Variants in MYO5B observed in about 807,000 individuals in gnomAD.
The protein encoded by MYO5B is myosin VB, also known as unconventional myosin-Vb.
A neutral mutation model predicts 229.3 loss-of-function variants in MYO5B; 143 were observed. The ratio of observed to expected loss-of-function variants is 0.62; its 90% CI spans 0.54 to 0.72. MYO5B has a LOEUF of 0.72. MYO5B is among the 30% of genes least tolerant of loss of function. MYO5B has a pLI of 0.00. For synonymous variants in MYO5B, 918 were observed against 885.2 expected (o/e 1.04, Z -0.66); for missense variants, 2,321 against 2,331.0 (o/e 1.00, Z 0.09).
At chr18:49,865,733 TG>T (rs2024388246) in intron 27 of MYO5B, among the ~76,000 whole-genome samples, 2 of 152,216 alleles carry the variant, frequency 1.3e-5, no homozygotes, top group Admixed American at 1.3e-4. Context: ...CTGTTGGCTG[TG>T]TGCCTGTGCT....
In MYO5B at chr18:49,895,120, T is replaced by C. The variant is rs9948144; in HGVS notation, c.2866A>G (p.Thr956Ala). Residue 956 changes from threonine (T) to alanine (A), a missense_variant, in exon 22 of 40, where the codon ACC becomes GCC. Coordinates refer to ENST00000285039, the MANE Select transcript of MYO5B (RefSeq NM_001080467.3). ...EQLSVTTSTY[T>A]MEVERLKKEL... ...TTCTTCAGCCGCTCTACCTCCATGG[T>C]GTATGTTGAGGTGGTCACGGACAAC... 1.9e-6 allele frequency: 3 copies of C among 1,614,164 alleles called. No individual in the cohort carries two copies. The highest frequency in any genetic ancestry group is 3.3e-5 in the Admixed American group (2 of 60,016).
chr18:50,117,212 T>TA (rs1218454408), intron 1 of MYO5B, among the ~76,000 whole-genome samples: 1 of 151,776 alleles, frequency 6.6e-6, no homozygotes, highest in Non-Finnish European at 1.5e-5. Context: ...CAAGCCCCTA[T>TA]AAAAAAGGGC....
At chr18:49,936,463 G>C (rs1958143948) in intron 15 of MYO5B, 114 bp from the exon 16 acceptor site, 1 of 818,910 alleles carries the variant, frequency 1.2e-6, no homozygotes, top group Admixed American at 2.0e-5. Flanking sequence ...TATTAATCCA[G>C]AAGGATGGAA....
chr18:50,145,926 G>A (rs2032494887), intron 1 of MYO5B, among the ~76,000 whole-genome samples: 1 of 152,142 alleles, frequency 6.6e-6, no homozygotes, highest in African/African-American at 2.4e-5. Flanking sequence ...TGACACTGAT[G>A]GAAGAAACCA....
chr18:50,111,866 C>A (rs577640065), intron 1 of MYO5B, among the ~76,000 whole-genome samples: 1 of 152,286 alleles, frequency 6.6e-6, no homozygotes, highest in South Asian at 2.1e-4. Flanking sequence ...TATAAGGCAC[C>A]TTGAGCACAT....
At chr18:49,906,239 G>A (rs1452865343) in intron 19 of MYO5B, among the ~76,000 whole-genome samples, 180 bp downstream of exon 19, 1 of 152,146 alleles carries the variant, frequency 6.6e-6, no homozygotes. Context: ...ACCCCCTGAG[G>A]TGAGAAGGCA....
intron 1 of MYO5B, among the ~76,000 whole-genome samples, chr18:50,078,332 A>T (rs1227948414): frequency 6.6e-6 from 1 of 152,210 alleles, no homozygotes; most frequent in East Asian, 1.9e-4. Context: ...TAGTATTATG[A>T]CACAGCACAG....
At chr18:49,974,781 A>T (rs900828499) in intron 9 of MYO5B, among the ~76,000 whole-genome samples, 166 bp from the exon 10 acceptor site, 17 of 125,394 alleles carry the variant, frequency 1.4e-4, no homozygotes, top group African/African-American at 4.3e-4. Flanking sequence ...AGTCTCTCTC[A>T]CACACACACA....
chr18:50,106,788 T>C (rs570517782), intron 1 of MYO5B, among the ~76,000 whole-genome samples: 1 of 152,352 alleles, frequency 6.6e-6, no homozygotes, highest in Admixed American at 6.5e-5. Flanking sequence ...GAAAGGCATC[T>C]TATTCACTGC....
At chr18:50,001,118 G>A (rs2026041968) in intron 5 of MYO5B, 137 bp downstream of exon 5, 1 of 1,127,850 alleles carries the variant, frequency 8.9e-7, no homozygotes, top group Admixed American at 1.7e-5. Flanking sequence ...AGGCAGCTTG[G>A]TAACTTTTCC....
chr18:50,146,708 C>T (rs1344392869), intron 1 of MYO5B, among the ~76,000 whole-genome samples: 1 of 152,212 alleles, frequency 6.6e-6, no homozygotes, highest in Non-Finnish European at 1.5e-5. Context: ...AAGACTCAAC[C>T]TGTATTTTGC....
At chr18:50,036,762 T>C in intron 4 of MYO5B, 88 bp downstream of exon 4, 2 of 1,491,424 alleles carry the variant, frequency 1.3e-6, no homozygotes, top group African/African-American at 1.4e-5. Flanking sequence ...ACCACCTCAC[T>C]GTGAGCATCA....
At chr18:49,859,150 A>G (rs2024298247) in intron 29 of MYO5B, among the ~76,000 whole-genome samples, 1 of 152,120 alleles carries the variant, frequency 6.6e-6, no homozygotes, top group Non-Finnish European at 1.5e-5. Flanking sequence ...TCCCAGCCCC[A>G]CCTGTAATGA....
chr18:49,914,401 A>G (rs1277350607), intron 17 of MYO5B, among the ~76,000 whole-genome samples: 2 of 152,184 alleles, frequency 1.3e-5, no homozygotes, highest in African/African-American at 4.8e-5. Context: ...CGAGATATTA[A>G]AAGAGAGTAA....
chr18:49,915,876 C>A (rs1178200676), intron 17 of MYO5B, among the ~76,000 whole-genome samples: 1 of 152,172 alleles, frequency 6.6e-6, no homozygotes, highest in Non-Finnish European at 1.5e-5. Context: ...TCTCGGCCCC[C>A]AAGTTTTAAA....
At chr18:49,876,670 C>A (rs2024527469) in intron 25 of MYO5B, among the ~76,000 whole-genome samples, 1 of 152,186 alleles carries the variant, frequency 6.6e-6, no homozygotes. Flanking sequence ...GGGTGATAAG[C>A]CTGGAGTTGA....
chr18:50,191,863 C>T (rs2033232110), intron 1 of MYO5B, among the ~76,000 whole-genome samples: 1 of 152,154 alleles, frequency 6.6e-6, no homozygotes, highest in Admixed American at 6.5e-5. Context: ...TGAAAAGAAG[C>T]CCCTATCAGG....
At chr18:49,848,997 A>G (rs1324407134) in intron 32 of MYO5B, among the ~76,000 whole-genome samples, 3 of 151,870 alleles carry the variant, frequency 2.0e-5, no homozygotes, top group Admixed American at 2.0e-4. Flanking sequence ...GGGTGGAAGG[A>G]TGTGGAGGGG....
chr18:50,019,839 C>G (rs2026255571), intron 4 of MYO5B, among the ~76,000 whole-genome samples: 1 of 152,202 alleles, frequency 6.6e-6, no homozygotes. Flanking sequence ...CAAAAAATAT[C>G]TAAGGATCCT....
Sources: allele counts gnomAD v4.1 joint callset (sites outside exome capture counted in the v4.1 genomes callset), GRCh38; gene constraint gnomAD v4.1.1; transcripts MANE v1.5; gene names NCBI Gene and HGNC (gene_info 2026-07-23, HGNC 2026-07-21).